The following SPATS2L variants were observed in gnomAD, a reference collection of about 807,000 sequenced individuals.
SPATS2L encodes SPATS2-like protein.
SPATS2L carries 30 observed loss-of-function variants against 59.6 expected under a neutral mutation model. That is an observed-to-expected ratio of 0.50 (90% CI 0.38 to 0.68). The LOEUF (loss-of-function observed/expected upper bound fraction) is 0.68. Ranked by LOEUF, SPATS2L falls within the 30% of genes least tolerant of loss-of-function variation. The pLI is 0.00. For synonymous variants in SPATS2L, 252 were observed against 263.5 expected (o/e 0.96, Z 0.42); for missense variants, 615 against 700.0 (o/e 0.88, Z 1.37).
intron 4 of SPATS2L, 145 bp from the exon 5 acceptor site, chr2:200,416,234 T>A: frequency 2.6e-6 from 1 of 388,334 alleles, no homozygotes; most frequent in Non-Finnish European, 4.6e-6. Flanking sequence ...AAACTGGCAT[T>A]TTTATTAAGA....
At chr2:200,424,496 AAAACAAAC>A (rs139966930) in intron 6 of SPATS2L, among the ~76,000 whole-genome samples, 3 of 152,012 alleles carry the variant, frequency 2.0e-5, no homozygotes, top group Non-Finnish European at 4.4e-5. Flanking sequence ...CACAAAAACA[AAAACAAAC>A]AAACAAAATT....
At chr2:200,376,718 C>T (rs2081612594) in intron 2 of SPATS2L, among the ~76,000 whole-genome samples, 1 of 152,242 alleles carries the variant, frequency 6.6e-6, no homozygotes, top group Admixed American at 6.5e-5. Flanking sequence ...TCTGCCAGTG[C>T]AGCTGTTTTA....
At chr2:200,393,287 C>T (rs561109450) in intron 3 of SPATS2L, 23 of 456,744 alleles carry the variant, frequency 5.0e-5, no homozygotes, top group Non-Finnish European at 9.3e-5. Context: ...GGCAGAGCAG[C>T]CGACATTAGA....
Position 200,440,782 on chromosome 2 carries a change from C to G in SPATS2L, c.786C>G (p.Asn262Lys), listed in dbSNP as rs2084642195. The change falls in exon 8 of 13, where the codon AAC becomes AAG. Residue 262 changes from asparagine (N) to lysine (K), a missense_variant and splice_region_variant. Coordinates refer to ENST00000409140, the MANE Select transcript of SPATS2L (RefSeq NM_001100423.2). The part of the protein sequence containing the change: ...KIKAAFAELH[N>K]CIIDKEVSLM... ...AAGCTGCCTTTGCTGAATTACACAA[C>G]TGGTGAGTGATTCAACGTAGGAACC... 6.2e-7 allele frequency: 1 copy of G among 1,613,060 alleles called. No individual in the cohort carries two copies. The highest frequency in any genetic ancestry group is 8.5e-7 in the Non-Finnish European group (1 of 1,179,418).
intron 1 of SPATS2L, among the ~76,000 whole-genome samples, chr2:200,327,316 A>C (rs992609633): frequency 1.3e-5 from 2 of 152,042 alleles, no homozygotes; most frequent in African/African-American, 4.8e-5. Flanking sequence ...AGGCAGGAGA[A>C]TCACTTGAAC....
At chr2:200,467,718 G>A (rs1237201182) in intron 10 of SPATS2L, among the ~76,000 whole-genome samples, 1 of 152,164 alleles carries the variant, frequency 6.6e-6, no homozygotes, top group Non-Finnish European at 1.5e-5. Context: ...TTCACACACT[G>A]TGATTTGTAT....
At chr2:200,467,885 C>T (rs539726123) in intron 10 of SPATS2L, among the ~76,000 whole-genome samples, 36 of 152,090 alleles carry the variant, frequency 2.4e-4, no homozygotes, top group African/African-American at 8.0e-4. Context: ...CCCATAAATA[C>T]GTATTTATTA....
At chr2:200,468,731 C>G (rs6733170) in intron 10 of SPATS2L, among the ~76,000 whole-genome samples, 2,758 of 152,280 alleles carry the variant, frequency 0.018, 79 homozygotes, top group African/African-American at 0.061. Context: ...ACGTAAACTC[C>G]CAAAGCAGAT....
chr2:200,383,925 G>A (rs1328433297), intron 2 of SPATS2L: 3 of 1,001,600 alleles, frequency 3.0e-6, no homozygotes, highest in East Asian at 1.1e-4. Context: ...GCATTAATGG[G>A]TTTCAGAGAA....
intron 2 of SPATS2L, among the ~76,000 whole-genome samples, chr2:200,352,632 A>G (rs1486786635): frequency 1.3e-5 from 2 of 151,914 alleles, no homozygotes; most frequent in Non-Finnish European, 2.9e-5. Context: ...GGGAAGCATT[A>G]TTAATTTTTC....
intron 2 of SPATS2L, among the ~76,000 whole-genome samples, chr2:200,364,054 G>C (rs530344423): frequency 1.9e-4 from 29 of 152,292 alleles, no homozygotes; most frequent in African/African-American, 6.0e-4. Flanking sequence ...TGTTACTGTG[G>C]AATAATGGTC....
At chr2:200,476,567 A>C (rs533304917) in intron 12 of SPATS2L, among the ~76,000 whole-genome samples, 1 of 152,102 alleles carries the variant, frequency 6.6e-6, no homozygotes, top group Non-Finnish European at 1.5e-5. Flanking sequence ...GGGGAGGGAG[A>C]GCATGCAGGT....
rs572194002 is a variant in SPATS2L, at chr2:200,391,303, A to G, written c.39+2020A>G. Among the ~76,000 whole-genome samples the G allele has an allele frequency of 1.1e-3, 165 of 152,366 alleles. 1 individual carries two copies. Among genetic ancestry groups the G allele is most frequent in the Admixed American group, 8.1e-3 (124 of 15,312 alleles). ...TCCGTCATTACTTCAAACTTACTGT[A>G]GTTGAAGAACCTTGTTACTATATAA... On this transcript the variant is annotated intron_variant, in intron 3 of 12. Transcript: ENST00000409140.
In SPATS2L at chr2:200,473,037, G is replaced by A. The variant is rs2087182989; in HGVS notation, c.1266G>A (p.Met422Ile). 2.5e-6 allele frequency: 4 copies of A among 1,612,368 alleles called. No individual in the cohort carries two copies. Among genetic ancestry groups the A allele is most frequent in the Non-Finnish European group, 3.4e-6 (4 of 1,179,398 alleles). Reference protein sequence around the residue: ...PSTADPSHQTMPANKQNGSSN... With the variant: ...PSTADPSHQTIPANKQNGSSN... The stretch of plus-strand genomic sequence containing the variant: ...CCGCCGACCCCTCTCACCAGACCAT[G>A]CCGGCCAACAAGCAGGTAAGCCGAC... Residue 422 changes from methionine (M) to isoleucine (I), a missense_variant, in exon 12 of 13, where the codon ATG becomes ATA. Met to Ile is a conservative substitution (Grantham distance 10). Around this residue, in one of 3 missense-constraint regions of SPATS2L, gnomAD observed 284 missense variants for 280.1 expected, o/e 1.01. Coordinates refer to ENST00000409140, the MANE Select transcript of SPATS2L (RefSeq NM_001100423.2).
intron 2 of SPATS2L, among the ~76,000 whole-genome samples, chr2:200,342,757 A>AT (rs2080375418): frequency 6.6e-6 from 1 of 152,208 alleles, no homozygotes; most frequent in Non-Finnish European, 1.5e-5. Flanking sequence ...AATGAGTTAT[A>AT]TTTTTCCTCT....
At chr2:200,466,145 CTT>C (rs953561392) in intron 9 of SPATS2L, among the ~76,000 whole-genome samples, 1 of 152,204 alleles carries the variant, frequency 6.6e-6, no homozygotes, top group African/African-American at 2.4e-5. Flanking sequence ...CAGTGACTAT[CTT>C]TTGATATTTT....
chr2:200,478,039 G>A lies in SPATS2L; in HGVS notation c.*8G>A, dbSNP rs2087677268. ...GTGACGTTGGTGGCCTGAGCTAGGAGGAAAAAGAGCAGTTTTCACTCAGTT... is the reference window on the plus strand; with the variant it reads ...GTGACGTTGGTGGCCTGAGCTAGGAAGAAAAAGAGCAGTTTTCACTCAGTT... On this transcript the variant is annotated 3_prime_UTR_variant, in exon 13 of 13. Coordinates refer to ENST00000409140, the MANE Select transcript of SPATS2L (RefSeq NM_001100423.2). The A allele has an allele frequency of 6.5e-7, 1 of 1,530,382 alleles. No homozygotes were observed. The highest frequency in any genetic ancestry group is 8.8e-7 in the Non-Finnish European group (1 of 1,140,772). 94.8% of individuals were successfully genotyped at this position (1,530,382 alleles called of 1,614,324 possible).
intron 2 of SPATS2L, among the ~76,000 whole-genome samples, chr2:200,359,729 C>T (rs1055441189): frequency 2.0e-4 from 30 of 152,234 alleles, no homozygotes; most frequent in Admixed American, 1.3e-4. Flanking sequence ...ACTGTTAGCT[C>T]AGTCCTCACC....
At chr2:200,437,800 A>G (rs1005943760) in intron 6 of SPATS2L, among the ~76,000 whole-genome samples, 9 of 152,228 alleles carry the variant, frequency 5.9e-5, no homozygotes, top group African/African-American at 2.2e-4. Context: ...ACTAATGTCT[A>G]AAATCAAATT....
Sources: gnomAD v4.1 joint callset for allele counts (sites outside exome capture counted in the v4.1 genomes callset) on GRCh38, gnomAD v4.1.1 for gene constraint, gnomAD v4.1.1 regional missense constraint, MANE v1.5 for transcripts, NCBI Gene and HGNC (gene_info 2026-07-23, HGNC 2026-07-21) for gene names.